MIA2: variants seen among roughly 807,000 people sequenced by gnomAD.
MIA2 encodes the protein melanoma inhibitory activity protein 2.
MIA2 carries 127 observed loss-of-function variants against 167.8 expected under a neutral mutation model. That is an observed-to-expected ratio of 0.76 (90% CI 0.66 to 0.88). MIA2 has a LOEUF of 0.88. MIA2 is among the 40% of genes least tolerant of loss of function. MIA2 has a pLI of 0.00. For missense variants in MIA2, 1,690 were observed against 1,624.7 expected, an observed-to-expected ratio of 1.04 and a Z score of -0.69; for synonymous variants, 552 against 541.9, an observed-to-expected ratio of 1.02 and a Z score of -0.26.
At chr14:39,245,586 A>AT (rs2054264026) in intron 3 of MIA2, among the ~76,000 whole-genome samples, 1 of 152,188 alleles carries the variant, frequency 6.6e-6, no homozygotes, top group Non-Finnish European at 1.5e-5. Flanking sequence ...GCTATAACAG[A>AT]ATACCAGAGA....
At chr14:39,269,082 T>G (rs1245535751) in intron 6 of MIA2, 3 of 883,356 alleles carry the variant, frequency 3.4e-6, no homozygotes, top group Non-Finnish European at 4.0e-6. Flanking sequence ...CAGTTTTTTT[T>G]TTTTTTTTTT....
At chr14:39,298,542 T>TTTTTTTTTGTTTTTTTTTTTTGTG (rs780707174) in intron 13 of MIA2, among the ~76,000 whole-genome samples, 5 of 97,020 alleles carry the variant, frequency 5.2e-5, no homozygotes, top group Non-Finnish European at 9.9e-5. Flanking sequence ...TTTTTTTTTT[T>TTTTTTTTTGTTTTTTTTTTTTGTG]TTTTTTTTTT....
intron 25 of MIA2, among the ~76,000 whole-genome samples, chr14:39,336,874 T>A (rs541646340): frequency 2.1e-4 from 32 of 152,208 alleles, no homozygotes; most frequent in Non-Finnish European, 4.0e-4. Flanking sequence ...GCCTCCCAAG[T>A]AACTGGGACT....
downstream of MIA2, among the ~76,000 whole-genome samples, chr14:39,356,347 G>T (rs1304714402): frequency 6.6e-6 from 1 of 152,168 alleles, no homozygotes; most frequent in Non-Finnish European, 1.5e-5. Flanking sequence ...GCATAGAGGT[G>T]TTTATAGTAT....
intron 25 of MIA2, among the ~76,000 whole-genome samples, chr14:39,328,083 C>T (rs924911111): frequency 3.9e-5 from 6 of 152,252 alleles, no homozygotes; most frequent in Non-Finnish European, 7.3e-5. Context: ...TACACTCCCA[C>T]TAACAGTGTA....
At chr14:39,317,836 GAT>G (rs897025722) in intron 21 of MIA2, 106 bp from the exon 22 acceptor site, 76 of 649,208 alleles carry the variant, frequency 1.2e-4, no homozygotes, top group East Asian at 1.5e-4. Flanking sequence ...CCATTGTTGT[GAT>G]ATATATATAT....
rs376302332 is a variant in MIA2 at position 39,299,840 on chromosome 14, C to T, written c.2497-24C>T. 8 of 1,591,772 alleles carry T rather than the reference C, an allele frequency of 5.0e-6. No homozygotes were observed. In the African/African-American group the frequency reaches 9.5e-5, roughly 19 times the overall value. On this transcript the variant is annotated intron_variant, in intron 13 of 28. Transcript: ENST00000640607. ...AATGATTCACTTGTGTGATGAGTTG[C>T]ATTTTTAAAATTTTCATTTTCAGCT...
chr14:39,369,946 C>T (rs903941155), intron 23 of MIA2, among the ~76,000 whole-genome samples: 1 of 152,094 alleles, frequency 6.6e-6, no homozygotes, highest in African/African-American at 2.4e-5. Flanking sequence ...AAATTGGGGG[C>T]GATATATTGT....
At chr14:39,385,581 T>C in intron 23 of MIA2, 1 of 813,270 alleles carries the variant, frequency 1.2e-6, no homozygotes, top group Non-Finnish European at 2.2e-6. Flanking sequence ...CGGGTAAGGA[T>C]GAAACAATTT....
intron 7 of MIA2, among the ~76,000 whole-genome samples, chr14:39,278,340 A>G (rs886252721): frequency 7.2e-5 from 11 of 152,058 alleles, no homozygotes; most frequent in Admixed American, 6.6e-4. Flanking sequence ...TGACTTCCCT[A>G]TCTCTTAACT....
intron 6 of MIA2, chr14:39,266,209 TTGAG>T: frequency 2.0e-6 from 2 of 985,426 alleles, no homozygotes; most frequent in Non-Finnish European, 2.4e-6. Context: ...ACCAAAGTAC[TTGAG>T]TGAGAAGGCA....
At chr14:39,275,789 G>A (rs2057920515) in intron 6 of MIA2, among the ~76,000 whole-genome samples, 4 of 152,008 alleles carry the variant, frequency 2.6e-5, no homozygotes, top group African/African-American at 9.7e-5. Flanking sequence ...TTAGATTTCT[G>A]CGAACTGGTA....
At chr14:39,332,470 G>C (rs2069133766) in intron 25 of MIA2, among the ~76,000 whole-genome samples, 1 of 152,166 alleles carries the variant, frequency 6.6e-6, no homozygotes, top group Non-Finnish European at 1.5e-5. Flanking sequence ...TGTCTGTCCA[G>C]TTTTGTTCCC....
At chr14:39,294,174 G>A in intron 12 of MIA2, 103 bp downstream of exon 12, 1 of 774,910 alleles carries the variant, frequency 1.3e-6, no homozygotes, top group Admixed American at 2.6e-5. Flanking sequence ...TGAGATATAG[G>A]GGATCCCAGA....
intron 23 of MIA2, among the ~76,000 whole-genome samples, chr14:39,359,252 C>T (rs550178229): frequency 1.3e-4 from 20 of 152,210 alleles, no homozygotes; most frequent in East Asian, 5.8e-4. Flanking sequence ...TCAGCAATGG[C>T]GGGCACCCCT....
At chr14:39,351,222 G>T (rs2074357487), downstream of MIA2, 2 of 151,864 alleles carry the variant, frequency 1.3e-5, no homozygotes, top group Non-Finnish European at 2.9e-5. Context: ...TTTAGTATTA[G>T]ACTTTTTTTT....
chr14:39,359,087 AG>A (rs1301735234), intron 23 of MIA2, among the ~76,000 whole-genome samples: 2 of 152,206 alleles, frequency 1.3e-5, no homozygotes, highest in African/African-American at 4.8e-5. Flanking sequence ...GCTGTCAGAC[AG>A]GGACATTTAA....
intron 6 of MIA2, among the ~76,000 whole-genome samples, chr14:39,272,464 G>C (rs1404371476): frequency 6.6e-6 from 1 of 152,242 alleles, no homozygotes; most frequent in Non-Finnish European, 1.5e-5. Flanking sequence ...TTCTCAATCT[G>C]GTCCAAGGAT....
chr14:39,271,683 A>C (rs978833269), intron 6 of MIA2, among the ~76,000 whole-genome samples: 1 of 152,082 alleles, frequency 6.6e-6, no homozygotes, highest in African/African-American at 2.4e-5. Flanking sequence ...TAATCCCAGC[A>C]CTTTGGGAGA....
Sources: gnomAD v4.1 joint callset for allele counts (sites outside exome capture counted in the v4.1 genomes callset) on GRCh38, gnomAD v4.1.1 for gene constraint, MANE v1.5 for transcripts, NCBI Gene and HGNC (gene_info 2026-07-23, HGNC 2026-07-21) for gene names.